CTNNBL1: variants seen among roughly 807,000 people sequenced by gnomAD.
CTNNBL1 encodes catenin beta like 1.
A neutral mutation model predicts 72.7 loss-of-function variants in CTNNBL1; 31 were observed. That is an observed-to-expected ratio of 0.43 (90% CI 0.32 to 0.58). CTNNBL1 has a LOEUF of 0.58. CTNNBL1 is among the 20% of genes least tolerant of loss of function. CTNNBL1 has a pLI of 0.08. For missense variants in CTNNBL1, 534 were observed against 725.1 expected (o/e 0.74, Z 3.03); for synonymous variants, 240 against 267.3 (o/e 0.90, Z 1.00).
At chr20:37,745,527 T>C (rs1279218001) in intron 3 of CTNNBL1, among the ~76,000 whole-genome samples, 6 of 152,194 alleles carry the variant, frequency 3.9e-5, no homozygotes, top group Non-Finnish European at 8.8e-5. Flanking sequence ...TCCTTACTCA[T>C]TTACTCTTTA....
intron 5 of CTNNBL1, among the ~76,000 whole-genome samples, chr20:37,762,189 C>T (rs1756765013): frequency 6.6e-6 from 1 of 152,124 alleles, no homozygotes; most frequent in South Asian, 2.1e-4. Context: ...TGCATTATGA[C>T]CATGTTACCA....
chr20:37,844,415 G>A (rs770288462), intron 13 of CTNNBL1, among the ~76,000 whole-genome samples: 1 of 152,036 alleles, frequency 6.6e-6, no homozygotes, highest in African/African-American at 2.4e-5. Context: ...GTTAAACAAC[G>A]TTTGGTAACT....
intron 13 of CTNNBL1, among the ~76,000 whole-genome samples, chr20:37,849,105 T>C (rs1032712715): frequency 2.6e-5 from 4 of 152,200 alleles, no homozygotes; most frequent in African/African-American, 9.7e-5. Context: ...CTCTGCAGCC[T>C]ATCCACTTTT....
chr20:37,869,294 G>C (rs1469771587), intron 15 of CTNNBL1, among the ~76,000 whole-genome samples: 1 of 152,248 alleles, frequency 6.6e-6, no homozygotes, highest in Non-Finnish European at 1.5e-5. Context: ...GGCTGACAGG[G>C]GAGGGGTGAG....
intron 2 of CTNNBL1, among the ~76,000 whole-genome samples, chr20:37,735,504 C>T (rs985379227): frequency 6.6e-6 from 1 of 152,210 alleles, no homozygotes; most frequent in African/African-American, 2.4e-5. Flanking sequence ...GAAATATATT[C>T]AGCAAAGTAA....
intron 1 of CTNNBL1, among the ~76,000 whole-genome samples, chr20:37,700,869 C>A (rs548063776): frequency 2.0e-5 from 3 of 152,166 alleles, no homozygotes; most frequent in South Asian, 4.1e-4. Context: ...ATATTGCAGA[C>A]ACCCACTCCT....
chr20:37,768,886 C>G (rs940999040), intron 7 of CTNNBL1, among the ~76,000 whole-genome samples: 8 of 152,166 alleles, frequency 5.3e-5, no homozygotes, highest in Non-Finnish European at 1.2e-4. Flanking sequence ...TAAGGTGATT[C>G]TCCTGCCTCA....
intron 11 of CTNNBL1, among the ~76,000 whole-genome samples, chr20:37,821,596 T>G (rs1461705652): frequency 2.0e-5 from 3 of 152,250 alleles, no homozygotes; most frequent in African/African-American, 2.4e-5. Context: ...TGTGGAATTT[T>G]TAATTTATAA....
At chr20:37,842,243 G>C in intron 12 of CTNNBL1, 96 bp from the exon 13 acceptor site, 1 of 853,108 alleles carries the variant, frequency 1.2e-6, no homozygotes, top group Non-Finnish European at 2.0e-6. Flanking sequence ...GTCTCCCTTT[G>C]TAAGGGAGCG....
chr20:37,770,354 G>A (rs556780897), intron 7 of CTNNBL1, among the ~76,000 whole-genome samples: 11 of 152,322 alleles, frequency 7.2e-5, no homozygotes, highest in African/African-American at 2.4e-4. Context: ...GTAGAGCACC[G>A]AGTTTTAAGG....
chr20:37,718,615 C>G (rs370178737), intron 1 of CTNNBL1, among the ~76,000 whole-genome samples: 3 of 151,678 alleles, frequency 2.0e-5, no homozygotes, highest in Admixed American at 6.6e-5. Context: ...CCCTCCCGGA[C>G]GGGGCGGCTG....
chr20:37,789,206 A>G (rs932365813), intron 10 of CTNNBL1, among the ~76,000 whole-genome samples: 8 of 152,232 alleles, frequency 5.3e-5, no homozygotes, highest in African/African-American at 1.9e-4. Context: ...CCTCTCAAGC[A>G]GTGGACAACT....
chr20:37,777,433 A>G lies in CTNNBL1; in HGVS notation c.823+16A>G. ...GACAATGATGGTGAGGCGCCCTCTC[A>G]GTATTGATATTCTGTTAGGATAGGA... On this transcript the variant is annotated intron_variant, in intron 8 of 15. Coordinates refer to ENST00000361383, the MANE Select transcript of CTNNBL1 (RefSeq NM_030877.5). The G allele has an allele frequency of 6.2e-7, 1 of 1,610,852 alleles. No individual in the cohort carries two copies. Among genetic ancestry groups the G allele is most frequent in the Non-Finnish European group, 8.5e-7 (1 of 1,177,014 alleles).
chr20:37,849,419 A>T (rs1423272748), intron 13 of CTNNBL1, among the ~76,000 whole-genome samples: 1 of 152,098 alleles, frequency 6.6e-6, no homozygotes, highest in Non-Finnish European at 1.5e-5. Flanking sequence ...CACCCTCGTG[A>T]TGTACAAAAG....
chr20:37,865,948 C>T (rs2072533349), intron 15 of CTNNBL1, among the ~76,000 whole-genome samples: 1 of 152,252 alleles, frequency 6.6e-6, no homozygotes, highest in African/African-American at 2.4e-5. Flanking sequence ...CCTAGTAGCT[C>T]ATAAACATGT....
chr20:37,734,912 A>C (rs1390361177), intron 2 of CTNNBL1, among the ~76,000 whole-genome samples: 1 of 152,250 alleles, frequency 6.6e-6, no homozygotes, highest in Non-Finnish European at 1.5e-5. Context: ...CGGAAATCCC[A>C]TGAGAGCTGT....
At chr20:37,712,492 G>A (rs1200693647) in intron 1 of CTNNBL1, among the ~76,000 whole-genome samples, 1 of 152,190 alleles carries the variant, frequency 6.6e-6, no homozygotes. Context: ...AATTAAGGGG[G>A]CACAACCATT....
intron 13 of CTNNBL1, among the ~76,000 whole-genome samples, chr20:37,844,268 T>G (rs1351451527): frequency 6.6e-6 from 1 of 152,072 alleles, no homozygotes; most frequent in Non-Finnish European, 1.5e-5. Flanking sequence ...GACCTAGGAT[T>G]TAAGAGCAAG....
chr20:37,810,614 G>A (rs949162671), intron 11 of CTNNBL1, among the ~76,000 whole-genome samples: 2 of 152,192 alleles, frequency 1.3e-5, no homozygotes, highest in Admixed American at 1.3e-4. Context: ...ATGTTCATTA[G>A]TGGTTGAAGA....
Sources: gnomAD v4.1 joint callset for allele counts (sites outside exome capture counted in the v4.1 genomes callset) on GRCh38, gnomAD v4.1.1 for gene constraint, MANE v1.5 for transcripts, NCBI Gene and HGNC (gene_info 2026-07-23, HGNC 2026-07-21) for gene names.